Variants in SV2B observed in about 807,000 individuals in gnomAD.
SV2B encodes synaptic vesicle glycoprotein 2B.
A neutral mutation model predicts 73.9 loss-of-function variants in SV2B; 41 were observed. The observed-to-expected ratio is 0.56, with a 90% confidence interval of 0.43 to 0.72. SV2B has a LOEUF of 0.72. Ranked by LOEUF, SV2B falls within the 30% of genes least tolerant of loss-of-function variation. SV2B has a pLI of 0.00. For missense variants in SV2B, 764 were observed against 857.8 expected (o/e 0.89, Z 1.37); for synonymous variants, 314 against 314.2 (o/e 1.00, Z 0.01).
At chr15:91,116,983 C>T (rs1176872259) in intron 1 of SV2B, among the ~76,000 whole-genome samples, 14 of 152,144 alleles carry the variant, frequency 9.2e-5, no homozygotes, top group Admixed American at 6.5e-4. Flanking sequence ...GATTCAGTTA[C>T]CTCCCAACAA....
At chr15:91,259,438 A>T (rs1038554011) in intron 5 of SV2B, among the ~76,000 whole-genome samples, 11 of 152,142 alleles carry the variant, frequency 7.2e-5, no homozygotes, top group African/African-American at 2.4e-4. Context: ...GTGATCCTCC[A>T]TGTCCAATGT....
At chr15:91,152,416 C>T (rs571815503) in intron 1 of SV2B, among the ~76,000 whole-genome samples, 1 of 152,130 alleles carries the variant, frequency 6.6e-6, no homozygotes, top group Non-Finnish European at 1.5e-5. Context: ...ACTGTTCCCA[C>T]CTTTGAGTCT....
intron 2 of SV2B, among the ~76,000 whole-genome samples, chr15:91,246,075 A>C (rs1340343091): frequency 1.3e-5 from 2 of 151,918 alleles, no homozygotes; most frequent in African/African-American, 4.8e-5. Context: ...CAAAAAAAAA[A>C]AAAAAAAATC....
At chr15:91,249,522 G>A (rs1432481288) in intron 2 of SV2B, among the ~76,000 whole-genome samples, 1 of 152,224 alleles carries the variant, frequency 6.6e-6, no homozygotes, top group Non-Finnish European at 1.5e-5. Flanking sequence ...AATGTAAAGA[G>A]AAGGAATCTA....
At chr15:91,215,831 C>A (rs144521075) in intron 1 of SV2B, among the ~76,000 whole-genome samples, 57 of 152,194 alleles carry the variant, frequency 3.7e-4, no homozygotes, top group African/African-American at 9.9e-4. Context: ...TTTTGATAAA[C>A]ATACTTCTCC....
At position 91,267,496 on chromosome 15, in the gene SV2B, G is replaced by C. The variant is rs936753679; in HGVS notation, c.1120-59G>C. The C allele has an allele frequency of 1.7e-5, 25 of 1,456,310 alleles. No homozygotes were observed. Among genetic ancestry groups the C allele is most frequent in the Non-Finnish European group, 2.2e-5 (23 of 1,044,344 alleles). The allele number at this position is 1,456,310 out of a possible 1,614,324, so 90.2% of individuals were successfully genotyped here. A position where few individuals can be genotyped will look rare whatever the true frequency, so the allele number is the denominator to read the frequency against. On this transcript the variant is annotated intron_variant, in intron 7 of 12. Transcript: ENST00000394232. The surrounding 1 kb of genome is among the most constrained non-coding windows in gnomAD (Gnocchi z 4.3). ...AATATCTGAGTAATGAGCTCTTCGT[G>C]GGAGAAACAAAGTCACACATTGCTT...
At chr15:91,150,004 CTCTT>C (rs1050422315) in intron 1 of SV2B, among the ~76,000 whole-genome samples, 18 of 152,142 alleles carry the variant, frequency 1.2e-4, no homozygotes, top group African/African-American at 4.1e-4. Flanking sequence ...CTGTCTGTCT[CTCTT>C]TATTTGTTTA....
rs2047772855 is a variant in SV2B, at chr15:91,258,275, G to A, written c.785-146G>A. 9.3e-7 allele frequency: 1 copy of A among 1,071,710 alleles called. No homozygotes were observed. The highest frequency in any genetic ancestry group is 2.1e-5 in the South Asian group (1 of 47,202). 66.4% of individuals were successfully genotyped at this position (1,071,710 alleles called of 1,614,324 possible). The stretch of plus-strand genomic sequence containing the variant: ...AGGCTTATGACTCAGAAGCTTCGGA[G>A]GCACAGCTGAGGAGTCTGCATTTTA... On this transcript the variant is annotated intron_variant, in intron 4 of 12. Coordinates refer to ENST00000394232, the MANE Select transcript of SV2B (RefSeq NM_001323032.3). This position sits in a 1 kb window ranked among gnomAD's most constrained non-coding sequence, Gnocchi z 4.7.
At position 91,258,175 on chromosome 15, in the gene SV2B, G is replaced by A. The variant is rs1031460397; in HGVS notation, c.785-246G>A. Among the ~76,000 whole-genome samples the A allele has an allele frequency of 6.6e-6, 1 of 152,090 alleles. No individual in the cohort carries two copies. The highest frequency in any genetic ancestry group is 1.5e-5 in the Non-Finnish European group (1 of 68,006). On this transcript the variant is annotated intron_variant, in intron 4 of 12. Coordinates refer to ENST00000394232, the MANE Select transcript of SV2B (RefSeq NM_001323032.3). This position sits in a 1 kb window ranked among gnomAD's most constrained non-coding sequence, Gnocchi z 4.7. ...ATTTGTCAGAATGCAGAATTCCTGG[G>A]GATTTGTCAGAATGCAGAATTTGCA...
At position 91,233,201 on chromosome 15, in the gene SV2B, G is replaced by A. The variant is rs77003352; in HGVS notation, c.451+6487G>A. Among the ~76,000 whole-genome samples the A allele has an allele frequency of 5.3e-3, 810 of 152,248 alleles. 14 individuals carry two copies. Among genetic ancestry groups the A allele is most frequent in the African/African-American group, 0.019 (785 of 41,528 alleles). On this transcript the variant is annotated intron_variant, in intron 2 of 12. Coordinates refer to ENST00000394232, the MANE Select transcript of SV2B (RefSeq NM_001323032.3). ...CACTGATAGTCCATGTTGTGACGTG[G>A]CAATGAAGATACATAAAATATCACT...
At chr15:91,164,129 G>T (rs146681544) in intron 1 of SV2B, among the ~76,000 whole-genome samples, 5,561 of 152,152 alleles carry the variant, frequency 0.037, 352 homozygotes, top group African/African-American at 0.12. Context: ...CTATATCTCT[G>T]TTTTGGTACT....
chr15:91,195,482 C>A (rs2045211750), intron 1 of SV2B, among the ~76,000 whole-genome samples: 1 of 152,270 alleles, frequency 6.6e-6, no homozygotes, highest in Non-Finnish European at 1.5e-5. Context: ...TGACCCATAG[C>A]TACGTAACTT....
chr15:91,288,741 C>T lies in SV2B; in HGVS notation c.1709-780C>T, dbSNP rs2048945443. Among the ~76,000 whole-genome samples the T allele has an allele frequency of 6.6e-6, 1 of 151,746 alleles. No homozygotes were observed. The highest frequency in any genetic ancestry group is 1.5e-5 in the Non-Finnish European group (1 of 67,920). ...CACCCAGGCTGGAGTACAGTGGCGC[C>T]ATCTCGGCTCACTGCAACCTCTGCC... On this transcript the variant is annotated intron_variant, in intron 11 of 12. Transcript: ENST00000394232. The surrounding 1 kb of genome is among the most constrained non-coding windows in gnomAD (Gnocchi z 5.8).
At chr15:91,237,619 C>T (rs1407251697) in intron 2 of SV2B, among the ~76,000 whole-genome samples, 1 of 151,534 alleles carries the variant, frequency 6.6e-6, no homozygotes, top group Non-Finnish European at 1.5e-5. Flanking sequence ...AGTAGAGAAC[C>T]ACGTAGTTTA....
chr15:91,225,378 G>A (rs2046339147), intron 1 of SV2B, among the ~76,000 whole-genome samples: 1 of 152,188 alleles, frequency 6.6e-6, no homozygotes, highest in African/African-American at 2.4e-5. Context: ...TAGAAAAGCG[G>A]CATTTTCGTA....
Position 91,283,888 on chromosome 15 carries a change from C to CGACATGGCCACATATTACCTTGAA in SV2B, c.1508-133_1508-132insGACATGGCCACATATTACCTTGAA. ...ATGACATGGCCACATATTACCTTGA[C>CGACATGGCCACATATTACCTTGAA]TTTGAGGCTGTCTGACTGGCAAAGG... On this transcript the variant is annotated intron_variant, in intron 10 of 12. Coordinates refer to ENST00000394232, the MANE Select transcript of SV2B (RefSeq NM_001323032.3). The surrounding 1 kb of genome is among the most constrained non-coding windows in gnomAD (Gnocchi z 4.3). 2.2e-6 allele frequency: 2 copies of CGACATGGCCACATATTACCTTGAA among 902,360 alleles called. No individual in the cohort carries two copies. The highest frequency in any genetic ancestry group is 3.5e-6 in the Non-Finnish European group (2 of 569,006). 55.9% of individuals were successfully genotyped at this position (902,360 alleles called of 1,614,324 possible).
rs1043873789 is a variant in SV2B, at chr15:91,100,976, G to A, written c.-392+613G>A. Among the ~76,000 whole-genome samples the A allele has an allele frequency of 1.3e-5, 2 of 152,242 alleles. No homozygotes were observed. The highest frequency in any genetic ancestry group is 2.9e-5 in the Non-Finnish European group (2 of 68,044). On this transcript the variant is annotated intron_variant, in intron 1 of 12. Transcript: ENST00000394232. This position sits in a 1 kb window ranked among gnomAD's most constrained non-coding sequence, Gnocchi z 6.4. ...AGCAAATGCGTTTAGCCAGGGAGGA[G>A]CAAGGCACCGCTGTGTCTTCGGCAG... is the stretch of plus-strand genomic sequence containing the variant.
chr15:91,222,785 C>T (rs1441481059), intron 1 of SV2B, among the ~76,000 whole-genome samples: 1 of 152,104 alleles, frequency 6.6e-6, no homozygotes, highest in African/African-American at 2.4e-5. Context: ...ATCTGTGTAA[C>T]GGAGAGAACA....
intron 1 of SV2B, among the ~76,000 whole-genome samples, chr15:91,182,786 C>T (rs1421032565): frequency 6.6e-6 from 1 of 152,162 alleles, no homozygotes; most frequent in East Asian, 1.9e-4. Flanking sequence ...TAAAAAATGC[C>T]ATTCATTATA....
Sources: gnomAD v4.1 joint callset for allele counts (sites outside exome capture counted in the v4.1 genomes callset) on GRCh38, gnomAD v4.1.1 for gene constraint, Gnocchi (gnomAD v3.1) non-coding constraint, MANE v1.5 for transcripts, NCBI Gene and HGNC (gene_info 2026-07-23, HGNC 2026-07-21) for gene names.